Variants in CEP192 observed in about 807,000 individuals in gnomAD.
CEP192 encodes centrosomal protein of 192 kDa.
A neutral mutation model predicts 271.8 loss-of-function variants in CEP192; 151 were observed. That is an observed-to-expected ratio of 0.56 (90% CI 0.49 to 0.64). The LOEUF (loss-of-function observed/expected upper bound fraction) is 0.64, where lower values mean the gene tolerates loss of function less well. Among genes scored for constraint, CEP192 ranks in the 30% least tolerant of loss-of-function variants. CEP192 has a pLI of 0.00. For synonymous variants in CEP192, 995 were observed against 1,076.5 expected (o/e 0.92, Z 1.48); for missense variants, 2,910 against 3,020.5 (o/e 0.96, Z 0.86).
intron 11 of CEP192, among the ~76,000 whole-genome samples, chr18:13,035,801 A>C (rs916368279): frequency 6.6e-6 from 1 of 152,176 alleles, no homozygotes; most frequent in Admixed American, 6.5e-5. Flanking sequence ...TGAGGGCTTC[A>C]TGGTTCTCCT....
At position 13,001,554 on chromosome 18, in the gene CEP192, A is replaced by C. The variant is rs2033645774; in HGVS notation, c.262A>C (p.Arg88=). The change falls in exon 3 of 45, where the codon AGG becomes CGG. Residue 88 remains arginine (R), a synonymous_variant. Coordinates refer to ENST00000506447, the MANE Select transcript of CEP192 (RefSeq NM_032142.4). The stretch of plus-strand genomic sequence containing the variant: ...CCAGAGTGATGCTGAACCAAGAGAG[A>C]GGTTACAGCTTAGCTTCCAGGATGA... ...GSQSDAEPRE[R]LQLSFQDDDS... is the part of the protein sequence containing the mutation. 2.6e-6 allele frequency: 4 copies of C among 1,549,580 alleles called. No homozygotes were observed.
intron 11 of CEP192, among the ~76,000 whole-genome samples, chr18:13,036,790 T>G (rs1424991989): frequency 6.6e-6 from 1 of 152,202 alleles, no homozygotes; most frequent in African/African-American, 2.4e-5. Context: ...CTCCCAGTCT[T>G]TGTCCGGACC....
At chr18:13,031,175 G>A (rs889734023) in intron 11 of CEP192, among the ~76,000 whole-genome samples, 1 of 152,000 alleles carries the variant, frequency 6.6e-6, no homozygotes, top group Non-Finnish European at 1.5e-5. Flanking sequence ...CAACCCTCAG[G>A]GCTGAGCTCT....
intron 40 of CEP192, among the ~76,000 whole-genome samples, chr18:13,108,610 TCA>T (rs1306672456): frequency 7.2e-5 from 11 of 152,196 alleles, no homozygotes; most frequent in Admixed American, 7.2e-4. Context: ...AGATACCATC[TCA>T]CAGCAGTCAG....
Position 13,055,844 on chromosome 18 carries a change from G to A in CEP192, c.3254G>A (p.Arg1085Gln), listed in dbSNP as rs554880129. 944 of 1,612,240 alleles carry A rather than the reference G, an allele frequency of 5.9e-4. 12 individuals are homozygous for A. In the South Asian group the frequency reaches 9.3e-3, roughly 16 times the overall value. ...IQGSPAALEERAMEKLREKVP... is the reference protein window; with the variant it reads ...IQGSPAALEEQAMEKLREKVP... The stretch of plus-strand genomic sequence containing the variant: ...GGCAGTCCAGCCGCATTGGAGGAAC[G>A]GGCTATGGAAAAATTGAGAGAAAAA... The change falls in exon 19 of 45, where the codon CGG (arginine) becomes CAG (glutamine). Residue 1085 changes from arginine to glutamine, a missense_variant. By Grantham distance (43) the Arg-to-Gln change is conservative (BLOSUM62 1). Coordinates refer to ENST00000506447, the MANE Select transcript of CEP192 (RefSeq NM_032142.4).
rs1343949020 is a variant in CEP192, at chr18:13,030,577, T to C, written c.1503T>C (p.Ser501=). 6.2e-7 allele frequency: 1 copy of C among 1,610,826 alleles called. No homozygotes were observed. The highest frequency in any genetic ancestry group is 2.2e-5 in the East Asian group (1 of 44,850). ...AACAAAATTTAAATGTGTCTCTAAG[T>C]GATGAGATGAATGAAGACTTCAGAT... The part of the protein sequence containing the change: ...NSKQNLNVSL[S]DEMNEDFRSG... Residue 501 remains serine (S), a synonymous_variant, in exon 11 of 45, where the codon AGT becomes AGC. Coordinates refer to ENST00000506447, the MANE Select transcript of CEP192 (RefSeq NM_032142.4).
At chr18:13,124,259 T>C (rs958565570) in intron 44 of CEP192, among the ~76,000 whole-genome samples, 6 of 152,230 alleles carry the variant, frequency 3.9e-5, no homozygotes, top group Non-Finnish European at 8.8e-5. Context: ...TGCAATATGC[T>C]GTCTGGACTG....
At chr18:13,042,486 T>C in intron 15 of CEP192, 152 bp downstream of exon 15, 1 of 773,350 alleles carries the variant, frequency 1.3e-6, no homozygotes. Flanking sequence ...AAATTTTTCT[T>C]TTTAAGTTTT....
In CEP192 at chr18:13,089,666, T is replaced by G. The variant is rs1005712734; in HGVS notation, c.6103+101T>G. 9 of 620,760 alleles carry G rather than the reference T, an allele frequency of 1.4e-5. No homozygotes were observed. The African/African-American group carries it at 1.7e-4, about 12-fold the overall frequency. The allele number at this position is 620,760 out of a possible 1,614,324, so 38.5% of individuals were successfully genotyped here. A position where few individuals can be genotyped will look rare whatever the true frequency, so the allele number is the denominator to read the frequency against. On this transcript the variant is annotated intron_variant, in intron 33 of 44. Coordinates refer to ENST00000506447, the MANE Select transcript of CEP192 (RefSeq NM_032142.4). ...TATAAGAAGGAAGTGTTAGTTTAGA[T>G]GCAGTGTCAGGCAGAGTTTGAGCCA...
chr18:13,001,842 T>A (rs1046960527), intron 3 of CEP192, among the ~76,000 whole-genome samples: 2 of 152,160 alleles, frequency 1.3e-5, no homozygotes, highest in Non-Finnish European at 2.9e-5. Flanking sequence ...TAGCTGGGAT[T>A]ACAGGCAGGT....
intron 33 of CEP192, 150 bp from the exon 34 acceptor site, chr18:13,092,227 T>G (rs2144751438): frequency 2.0e-6 from 1 of 509,114 alleles, no homozygotes; most frequent in East Asian, 3.7e-5. Context: ...ACTGTAATTT[T>G]GTGCCAGGTG....
chr18:13,029,023 TAA>T (rs2035467017), intron 9 of CEP192, among the ~76,000 whole-genome samples: 1 of 152,248 alleles, frequency 6.6e-6, no homozygotes, highest in Non-Finnish European at 1.5e-5. Flanking sequence ...CTGCTGTTAA[TAA>T]GTTTCATTGG....
chr18:13,098,140 G>A (rs945813363), intron 36 of CEP192, among the ~76,000 whole-genome samples: 9 of 152,130 alleles, frequency 5.9e-5, no homozygotes, highest in South Asian at 2.1e-4. Context: ...ATCATAGCCC[G>A]TTCTCGATGA....
chr18:13,059,331 A>G lies in CEP192; in HGVS notation c.4488+19A>G. ...TATTGAGGTACCTGTTTGAAAATGA[A>G]TCTTTGTCATACCTGGCATTTTAAA... On this transcript the variant is annotated intron_variant, in intron 21 of 44. Coordinates refer to ENST00000506447, the MANE Select transcript of CEP192 (RefSeq NM_032142.4). The G allele has an allele frequency of 1.3e-6, 2 of 1,579,084 alleles. No homozygotes were observed. The highest frequency in any genetic ancestry group is 8.7e-7 in the Non-Finnish European group (1 of 1,148,274).
chr18:13,012,939 T>C (rs901512454), intron 4 of CEP192, 34 bp from the exon 5 acceptor site: 2 of 1,241,976 alleles, frequency 1.6e-6, no homozygotes, highest in African/African-American at 3.0e-5. Context: ...TAAAATAACC[T>C]GGTCTCTCAG....
At chr18:13,111,699 AG>A (rs1445771848) in intron 40 of CEP192, among the ~76,000 whole-genome samples, 1 of 152,248 alleles carries the variant, frequency 6.6e-6, no homozygotes, top group Admixed American at 6.5e-5. Context: ...GACAGAGAAT[AG>A]GGACAAAAAT....
In CEP192 at chr18:12,999,519, T is replaced by C. The variant is rs1305597074; in HGVS notation, c.95T>C (p.Leu32Pro). ...GNSGILENVT[L>P]SSNLGLPVAV... ...AGTGGGATTTTGGAAAATGTCACTC[T>C]TTCTTCAAATCTTGGCTTGCCTGTT... Residue 32 changes from leucine to proline, a missense_variant, in exon 2 of 45, where the codon CTT becomes CCT. By Grantham distance (98) the Leu-to-Pro change is moderately conservative. Transcript: ENST00000506447. 4 of 1,551,058 alleles carry C rather than the reference T, an allele frequency of 2.6e-6. No homozygotes were observed. The African/African-American group carries it at 5.5e-5, about 21-fold the overall frequency.
At chr18:12,996,793 G>A (rs779859996) in intron 1 of CEP192, among the ~76,000 whole-genome samples, 3 of 152,184 alleles carry the variant, frequency 2.0e-5, no homozygotes, top group African/African-American at 2.4e-5. Flanking sequence ...AAGAAGGACC[G>A]GAGGTAGATT....
At chr18:13,097,450 C>T (rs568442226) in intron 36 of CEP192, among the ~76,000 whole-genome samples, 5 of 152,192 alleles carry the variant, frequency 3.3e-5, no homozygotes, top group Admixed American at 3.3e-4. Context: ...CTCCATCTCC[C>T]CGACCCTTTT....
Sources: gnomAD v4.1 joint callset for allele counts (sites outside exome capture counted in the v4.1 genomes callset) on GRCh38, gnomAD v4.1.1 for gene constraint, MANE v1.5 for transcripts, NCBI Gene and HGNC (gene_info 2026-07-23, HGNC 2026-07-21) for gene names.